Variants in SPG7 observed in about 807,000 individuals in gnomAD.
SPG7 encodes SPG7 matrix AAA peptidase subunit, paraplegin.
In SPG7, 103 loss-of-function variants were observed where a neutral mutation model predicts 81.9. The ratio of observed to expected loss-of-function variants is 1.26; its 90% CI spans 1.07 to 1.48. SPG7 has a LOEUF of 1.48. SPG7 is among the 40% of genes most tolerant of loss of function. The probability of loss-of-function intolerance (pLI) is 0.00; values close to 1 mark genes in which losing one functional copy is unlikely to be tolerated. For missense variants in SPG7, 1,241 were observed against 1,087.3 expected, an observed-to-expected ratio of 1.14 and a Z score of -1.99; for synonymous variants, 534 against 444.2, an observed-to-expected ratio of 1.20 and a Z score of -2.54.
intron 6 of SPG7, chr16:89,530,353 C>T (rs2058324634): frequency 2.6e-6 from 1 of 386,270 alleles, no homozygotes; most frequent in Admixed American, 3.7e-5. Flanking sequence ...ACCGTGTTAG[C>T]CAGGGTGGTC....
At chr16:89,535,620 T>G (rs35008606) in intron 9 of SPG7, among the ~76,000 whole-genome samples, 19,862 of 152,148 alleles carry the variant, frequency 0.13, 1,663 homozygotes, top group Middle Eastern at 0.2. Context: ...AGATGTGGGG[T>G]GAGCAGTTCA....
intron 5 of SPG7, among the ~76,000 whole-genome samples, chr16:89,528,261 G>A (rs555246964): frequency 2.8e-4 from 42 of 152,046 alleles, no homozygotes; most frequent in African/African-American, 9.9e-4. Flanking sequence ...GTGCGGTGGC[G>A]GGTGCCTGTA....
rs1378255934 is a variant in SPG7, at chr16:89,530,806, A to C, written c.985A>C (p.Lys329Gln). Residue 329 changes from lysine (K) to glutamine (Q), a missense_variant and splice_region_variant, in exon 7 of 17, where the codon AAG becomes CAG. Lys to Gln is a moderately conservative substitution (Grantham distance 53). Transcript: ENST00000645818. ...LEVREFVDYL[K>Q]SPERFLQLGA... ...AGTCCGCGAGTTTGTGGATTATCTG[A>C]AGGTGAAAGCAGCGTGGGCCGGGAG... The C allele has an allele frequency of 2.5e-6, 4 of 1,614,066 alleles. No individual in the cohort carries two copies. The highest frequency in any genetic ancestry group is 3.4e-6 in the Non-Finnish European group (4 of 1,180,000).
At chr16:89,528,172 C>T (rs976298134) in intron 5 of SPG7, among the ~76,000 whole-genome samples, 4 of 151,620 alleles carry the variant, frequency 2.6e-5, no homozygotes, top group Admixed American at 1.3e-4. Context: ...GGGCAGATCA[C>T]GAGGTCAGGA....
chr16:89,532,171 G>A, intron 8 of SPG7, 105 bp downstream of exon 8: 5 of 1,260,844 alleles, frequency 4.0e-6, no homozygotes, highest in South Asian at 3.7e-5. Context: ...GGGTGGGTGG[G>A]GGAGTAGAGA....
rs1444530730 is a variant in SPG7 at position 89,536,625 on chromosome 16, G to GGGCGGGTGA, written c.1324+3996_1324+4004dup. ...GAGGTGAGGTGGGTGAGGCGGGTGA[G>GGGCGGGTGA]GGCGGGTGAGGCGGGCGAGGTGGGC... On this transcript the variant is annotated intron_variant, in intron 9 of 16. Coordinates refer to ENST00000645818, the MANE Select transcript of SPG7 (RefSeq NM_003119.4). 9 of 965,536 alleles carry GGGCGGGTGA rather than the reference G, an allele frequency of 9.3e-6. No homozygotes were observed. In the East Asian group the frequency reaches 1.7e-4, roughly 19 times the overall value. The allele number at this position is 965,536 out of a possible 1,614,324, so 59.8% of individuals were successfully genotyped here. A position where few individuals can be genotyped will look rare whatever the true frequency, so the allele number is the denominator to read the frequency against.
intron 4 of SPG7, among the ~76,000 whole-genome samples, chr16:89,525,435 A>G (rs927169470): frequency 3.3e-5 from 5 of 152,198 alleles, no homozygotes; most frequent in African/African-American, 1.2e-4. Context: ...GAGTCACCTG[A>G]TAAAACAGCT....
intron 3 of SPG7, 133 bp downstream of exon 3, chr16:89,513,170 C>T (rs1047132897): frequency 7.4e-5 from 99 of 1,344,720 alleles, no homozygotes; most frequent in Admixed American, 4.1e-5. Context: ...CACTTGTAAT[C>T]GAAACGCTTT....
At chr16:89,531,712 A>G (rs2058344567) in intron 7 of SPG7, 192 bp from the exon 8 acceptor site, 5 of 620,936 alleles carry the variant, frequency 8.1e-6, no homozygotes, top group Non-Finnish European at 1.2e-5. Flanking sequence ...GTGGTGCCAC[A>G]TGCCTGTATA....
chr16:89,554,073 C>T lies in SPG7; in HGVS notation c.2103+113C>T, dbSNP rs2058664195. ...CCCCAGCGGAGCTCAGCTGCAGGCC[C>T]CACCTGGGTTTCTTCCTTCTGGGCT... On this transcript the variant is annotated intron_variant, in intron 15 of 16. Transcript: ENST00000645818. The T allele has an allele frequency of 4.4e-6, 5 of 1,136,732 alleles. No homozygotes were observed. In the Admixed American group the frequency reaches 8.6e-5, roughly 20 times the overall value. 70.4% of individuals were successfully genotyped at this position (1,136,732 alleles called of 1,614,324 possible).
rs771060044 is a variant in SPG7, at chr16:89,530,719, G to A, written c.898G>A (p.Gly300Arg). 8.1e-6 allele frequency: 13 copies of A among 1,614,160 alleles called. No homozygotes were observed. Among genetic ancestry groups the A allele is most frequent in the Non-Finnish European group, 1.1e-5 (13 of 1,180,022 alleles). ...LKMARFTIVD[G>R]KMGKGVSFKD... The stretch of plus-strand genomic sequence containing the variant: ...AATGGCTCGTTTCACCATTGTGGAT[G>A]GGAAGATGGGGAAAGGAGTCAGCTT... The change falls in exon 7 of 17, where the codon GGG (glycine) becomes AGG (arginine). Residue 300 changes from glycine to arginine, a missense_variant. Gly to Arg is a moderately radical substitution (Grantham distance 125). Coordinates refer to ENST00000645818, the MANE Select transcript of SPG7 (RefSeq NM_003119.4).
chr16:89,524,474 C>T (rs979874130), intron 4 of SPG7, among the ~76,000 whole-genome samples: 2 of 152,188 alleles, frequency 1.3e-5, no homozygotes, highest in Non-Finnish European at 2.9e-5. Flanking sequence ...GAGACAGTCT[C>T]GCTCTGTTGG....
intron 8 of SPG7, 114 bp from the exon 9 acceptor site, chr16:89,532,349 T>A (rs2058355779): frequency 7.6e-7 from 1 of 1,317,566 alleles, no homozygotes; most frequent in African/African-American, 1.5e-5. Context: ...TTGTAGGGAA[T>A]GGAGCTGGTA....
In SPG7 at chr16:89,544,631, CT is replaced by C. The variant is rs1210039274; in HGVS notation, c.1325-16del. On this transcript the variant is annotated splice_polypyrimidine_tract_variant and intron_variant, in intron 9 of 16. Transcript: ENST00000645818. ...GGACCCCTACCCTCAGAGCCACTGT[CT>C]GCTCTGTCCCCTCAGGAATGGGTAC... The C allele has an allele frequency of 1.2e-6, 2 of 1,613,814 alleles. No homozygotes were observed. Among genetic ancestry groups the C allele is most frequent in the Non-Finnish European group, 1.7e-6 (2 of 1,179,798 alleles).
At chr16:89,544,932 C>T in intron 10 of SPG7, 160 bp downstream of exon 10, 1 of 820,070 alleles carries the variant, frequency 1.2e-6, no homozygotes, top group African/African-American at 1.7e-5. Context: ...GCTGCACGCC[C>T]CCAGCAGACC....
intron 1 of SPG7, among the ~76,000 whole-genome samples, chr16:89,509,193 G>C (rs1337432312): frequency 1.3e-5 from 2 of 152,084 alleles, no homozygotes; most frequent in Middle Eastern, 3.2e-3. Flanking sequence ...TTCAGCTTTT[G>C]GGCTGATGTT....
At chr16:89,542,680 C>T (rs183231691) in intron 9 of SPG7, among the ~76,000 whole-genome samples, 1 of 152,228 alleles carries the variant, frequency 6.6e-6, no homozygotes, top group Non-Finnish European at 1.5e-5. Context: ...AGGACAGTGG[C>T]CCTGGAGAAG....
In SPG7 at chr16:89,554,581, C is replaced by T. The variant is rs758297987; in HGVS notation, c.2181+18C>T. 5 of 1,584,284 alleles carry T rather than the reference C, an allele frequency of 3.2e-6. No homozygotes were observed. Among genetic ancestry groups the T allele is most frequent in the South Asian group, 2.2e-5 (2 of 90,346 alleles). On this transcript the variant is annotated intron_variant, in intron 16 of 16. Transcript: ENST00000645818. Reference sequence around the variant, plus strand: ...TGCAGGCGGTGAGGCCCTGGCCAGGCGTGGGGGCTACGGCGTCACACAGTG... The same window carrying T: ...TGCAGGCGGTGAGGCCCTGGCCAGGTGTGGGGGCTACGGCGTCACACAGTG...
chr16:89,529,869 C>A, intron 6 of SPG7: 1 of 421,746 alleles, frequency 2.4e-6, no homozygotes, highest in Non-Finnish European at 4.5e-6. Context: ...GACGGAGTTT[C>A]GCCCTTCTTG....
Sources: allele counts gnomAD v4.1 joint callset (sites outside exome capture counted in the v4.1 genomes callset), GRCh38; gene constraint gnomAD v4.1.1; transcripts MANE v1.5; gene names NCBI Gene and HGNC (gene_info 2026-07-23, HGNC 2026-07-21).